CPEB2: variants seen among roughly 807,000 people sequenced by gnomAD.
CPEB2 encodes the protein cytoplasmic polyadenylation element binding protein 2, also known as cytoplasmic polyadenylation element-binding protein 2.
In CPEB2, 56 loss-of-function variants were observed where a neutral mutation model predicts 93.6. The observed-to-expected ratio is 0.60, with a 90% CI of 0.48 to 0.75. The LOEUF is 0.75. Ranked by LOEUF, CPEB2 falls within the 30% of genes least tolerant of loss-of-function variation. The pLI, the probability that CPEB2 is intolerant of heterozygous loss-of-function variation, is 0.00. For missense variants in CPEB2, 1,579 were observed against 1,395.1 expected (o/e 1.13, Z -2.10); for synonymous variants, 764 against 586.3 (o/e 1.30, Z -4.38).
At chr4:15,051,716 C>T in intron 6 of CPEB2, among the ~76,000 whole-genome samples, 1 of 152,136 alleles carries the variant, frequency 6.6e-6, no homozygotes, top group Non-Finnish European at 1.5e-5. Flanking sequence ...ATGTACATTC[C>T]TTGACAGCCA....
chr4:15,054,137 C>T lies in CPEB2; in HGVS notation c.2381C>T (p.Thr794Ile). 1 of 1,607,390 alleles carries T rather than the reference C, an allele frequency of 6.2e-7. No homozygotes were observed. Among genetic ancestry groups the T allele is most frequent in the African/African-American group, 1.3e-5 (1 of 74,726 alleles). The change falls in exon 8 of 12, where the codon ACT becomes ATT. Residue 794 changes from threonine to isoleucine, a missense_variant. Coordinates refer to ENST00000538197, the MANE Select transcript of CPEB2 (RefSeq NM_001177382.2). The part of the protein sequence containing the change: ...LPPDIDEDEI[T>I]ASFRRFGPLV... ...ATTGTACTTTCTTAAGATGAAATAA[C>T]TGCTAGCTTCAGAAGATTTGGGCCT...
chr4:15,003,268 C>G lies in CPEB2; in HGVS notation c.595C>G (p.Pro199Ala). Residue 199 changes from proline to alanine, a missense_variant, in exon 1 of 12, where the codon CCT (proline) becomes GCT (alanine). Coordinates refer to ENST00000538197, the MANE Select transcript of CPEB2 (RefSeq NM_001177382.2). ...TCCGGACTCGAAGCCGCCGCCGCCG[C>G]CTCCGCCGCTCCACTGCCCCGGTCG... The part of the protein sequence containing the change: ...HPPDSKPPPP[P>A]PPLHCPGRFS... 1 of 1,525,044 alleles carries G rather than the reference C, an allele frequency of 6.6e-7. No homozygotes were observed. The allele number at this position is 1,525,044 out of a possible 1,614,324, so 94.5% of individuals were successfully genotyped here.
At chr4:15,008,597 A>C (rs1037792115) in intron 3 of CPEB2, among the ~76,000 whole-genome samples, 170 bp downstream of exon 3, 15 of 152,156 alleles carry the variant, frequency 9.9e-5, no homozygotes, top group Non-Finnish European at 1.5e-4. Context: ...TTAATGTAAG[A>C]AATTTTTTAT....
chr4:15,062,105 C>A lies in CPEB2; in HGVS notation c.2722C>A (p.Leu908Met). Residue 908 changes from leucine to methionine, a missense_variant, in exon 11 of 12, where the codon CTG becomes ATG. Transcript: ENST00000538197. ...AVELAMIMDR[L>M]YGGVCYAGID... Reference sequence around the variant, plus strand: ...GGAACTTGCTATGATCATGGACCGGCTGTATGGTGGAGTTTGTTATGCAGG... The same window carrying A: ...GGAACTTGCTATGATCATGGACCGGATGTATGGTGGAGTTTGTTATGCAGG... The A allele has an allele frequency of 6.2e-7, 1 of 1,610,040 alleles. No individual in the cohort carries two copies. The highest frequency in any genetic ancestry group is 8.5e-7 in the Non-Finnish European group (1 of 1,177,406).
At chr4:15,053,924 A>C (rs1728484470) in intron 7 of CPEB2, among the ~76,000 whole-genome samples, 1 of 152,158 alleles carries the variant, frequency 6.6e-6, no homozygotes, top group Non-Finnish European at 1.5e-5. Flanking sequence ...GCATTGCTTA[A>C]AAGTGAATTT....
At chr4:15,042,428 G>A (rs1010007584) in intron 6 of CPEB2, among the ~76,000 whole-genome samples, 12 of 151,866 alleles carry the variant, frequency 7.9e-5, no homozygotes, top group African/African-American at 2.7e-4. Flanking sequence ...AGACTTATTC[G>A]GCTTCAGAAC....
intron 6 of CPEB2, among the ~76,000 whole-genome samples, chr4:15,043,856 T>C (rs1362300149): frequency 3.3e-5 from 5 of 151,944 alleles, no homozygotes; most frequent in African/African-American, 9.7e-5. Context: ...GGGAGACAAA[T>C]GATGGAAAGG....
At chr4:15,013,788 A>G (rs1723783163) in intron 3 of CPEB2, among the ~76,000 whole-genome samples, 1 of 152,216 alleles carries the variant, frequency 6.6e-6, no homozygotes, top group East Asian at 1.9e-4. Context: ...GATGCAGCTG[A>G]TGCTTTACAA....
At chr4:15,057,698 A>G (rs1386299038) in intron 8 of CPEB2, among the ~76,000 whole-genome samples, 7 of 152,190 alleles carry the variant, frequency 4.6e-5, no homozygotes, top group Non-Finnish European at 1.5e-5. Flanking sequence ...TTACAAGTCT[A>G]GATAGTCTCC....
intron 4 of CPEB2, among the ~76,000 whole-genome samples, chr4:15,021,795 G>A (rs928723390): frequency 1.3e-5 from 2 of 152,034 alleles, no homozygotes; most frequent in African/African-American, 4.8e-5. Context: ...CTAAGTTTTT[G>A]TATATCTAGT....
chr4:15,041,949 G>C (rs1008276159), intron 6 of CPEB2, among the ~76,000 whole-genome samples: 4 of 152,228 alleles, frequency 2.6e-5, no homozygotes, highest in Admixed American at 2.6e-4. Flanking sequence ...AGACACTCAA[G>C]ACTTAAAAAA....
chr4:15,009,766 A>G (rs775415072), intron 3 of CPEB2, among the ~76,000 whole-genome samples: 1 of 152,202 alleles, frequency 6.6e-6, no homozygotes, highest in Non-Finnish European at 1.5e-5. Flanking sequence ...GCTGGCATAC[A>G]TGGTCCATGA....
chr4:15,013,191 ATAT>A (rs1262809945), intron 3 of CPEB2, among the ~76,000 whole-genome samples: 1 of 152,016 alleles, frequency 6.6e-6, no homozygotes. Context: ...CATGAAATAA[ATAT>A]TATAATAAAA....
chr4:15,043,373 G>T (rs1727366067), intron 6 of CPEB2, among the ~76,000 whole-genome samples: 1 of 152,162 alleles, frequency 6.6e-6, no homozygotes, highest in Non-Finnish European at 1.5e-5. Context: ...TCACTACTGT[G>T]TATCTCTATC....
In CPEB2 at chr4:15,016,970, A is replaced by G. The variant is rs148163033; in HGVS notation, c.2035-218A>G. On this transcript the variant is annotated intron_variant, in intron 3 of 11. Transcript: ENST00000538197. Reference sequence around the variant, plus strand: ...CCAGTAAAATTAGATTACTTTTGATAAAAGCTTTAAGAGATAAATATACTG... The same window carrying G: ...CCAGTAAAATTAGATTACTTTTGATGAAAGCTTTAAGAGATAAATATACTG... 5.8e-3 allele frequency among the ~76,000 whole-genome samples: 878 copies of G among 152,074 alleles called. 14 individuals are homozygous for G. The highest frequency in any genetic ancestry group is 0.02 in the African/African-American group (827 of 41,552).
chr4:15,053,157 C>T (rs565022725), intron 7 of CPEB2, among the ~76,000 whole-genome samples: 1 of 152,134 alleles, frequency 6.6e-6, no homozygotes, highest in South Asian at 2.1e-4. Flanking sequence ...GCTGGGACTA[C>T]AGGCGCCCGC....
intron 4 of CPEB2, among the ~76,000 whole-genome samples, chr4:15,020,881 T>C (rs1010662577): frequency 1.3e-5 from 2 of 152,104 alleles, no homozygotes; most frequent in East Asian, 1.9e-4. Flanking sequence ...ATGAGGTGTT[T>C]AGAGAGATTA....
At chr4:15,065,474 C>T (rs912790270) in intron 11 of CPEB2, among the ~76,000 whole-genome samples, 3 of 152,072 alleles carry the variant, frequency 2.0e-5, no homozygotes, top group African/African-American at 7.2e-5. Flanking sequence ...TTACCATGTG[C>T]CGAGCACTGT....
At position 15,003,759 on chromosome 4, in the gene CPEB2, A is replaced by AGGGGGCGGAGGG; in HGVS notation, c.1088_1089insGGGCGGAGGGGG (p.Gly366_Gly369dup). ...GCGGCGGCGGGGGCGGGGGGCCCCC[A>AGGGGGCGGAGGG]GGAGGCGGAGGGGGAGGCGGCTCCG... On this transcript the variant is annotated inframe_insertion, in exon 1 of 12. Coordinates refer to ENST00000538197, the MANE Select transcript of CPEB2 (RefSeq NM_001177382.2). The AGGGGGCGGAGGG allele has an allele frequency of 9.1e-7, 1 of 1,101,906 alleles. No homozygotes were observed. Among genetic ancestry groups the AGGGGGCGGAGGG allele is most frequent in the East Asian group, 4.2e-5 (1 of 23,638 alleles). The allele number at this position is 1,101,906 out of a possible 1,614,324, so 68.3% of individuals were successfully genotyped here. A position where few individuals can be genotyped will look rare whatever the true frequency, so the allele number is the denominator to read the frequency against.
Sources: gnomAD v4.1 joint callset for allele counts (sites outside exome capture counted in the v4.1 genomes callset) on GRCh38, gnomAD v4.1.1 for gene constraint, MANE v1.5 for transcripts, NCBI Gene and HGNC (gene_info 2026-07-23, HGNC 2026-07-21) for gene names.